The following SLC2A7 variants were observed in gnomAD, a reference collection of about 807,000 sequenced individuals.
The protein encoded by SLC2A7 is solute carrier family 2, facilitated glucose transporter member 7.
SLC2A7 carries 50 observed loss-of-function variants against 50.5 expected under a neutral mutation model. That is an observed-to-expected ratio of 0.99 (90% CI 0.79 to 1.25). The LOEUF (loss-of-function observed/expected upper bound fraction) is 1.25, where lower values mean the gene tolerates loss of function less well. Ranked by LOEUF, SLC2A7 falls within the 50% of genes most tolerant of loss-of-function variation. The pLI is 0.00. For synonymous variants in SLC2A7, 308 were observed against 300.4 expected, an observed-to-expected ratio of 1.03 and a Z score of -0.26; for missense variants, 683 against 679.1, an observed-to-expected ratio of 1.01 and a Z score of -0.06.
intron 3 of SLC2A7, 71 bp downstream of exon 3, chr1:9,022,847 G>A (rs1640931820): frequency 4.5e-6 from 7 of 1,566,624 alleles, no homozygotes; most frequent in African/African-American, 1.4e-5. Flanking sequence ...CCCACCAGGT[G>A]CACAAATGCC....
rs750886871 is a variant in SLC2A7, at chr1:9,026,375, C to G, written c.-30G>C. 1 of 1,583,010 alleles carries G rather than the reference C, an allele frequency of 6.3e-7. No homozygotes were observed. The highest frequency in any genetic ancestry group is 1.3e-5 in the African/African-American group (1 of 74,486). On this transcript the variant is annotated 5_prime_UTR_variant, in exon 1 of 12. Coordinates refer to ENST00000400906, the MANE Select transcript of SLC2A7 (RefSeq NM_207420.3). ...GTTCAGGTGGGAGAACAGGTGTGCT[C>G]TACCTCCCAAGTGACACCTGCTCTG... is the stretch of plus-strand genomic sequence containing the variant.
Position 9,025,822 on chromosome 1 carries a change from C to G in SLC2A7, c.51+473G>C, listed in dbSNP as rs542880997. On this transcript the variant is annotated intron_variant, in intron 1 of 11. Transcript: ENST00000400906. ...CAGGGTCTCTGACCATGTCCTAGAG[C>G]CAAGGCCCTGGTGCATGCCCCCTCC... Among the ~76,000 whole-genome samples the G allele has an allele frequency of 1.3e-3, 192 of 152,284 alleles. 1 individual carries two copies. The highest frequency in any genetic ancestry group is 4.5e-3 in the African/African-American group (189 of 41,554).
Position 9,023,835 on chromosome 1 carries a change from C to CTTTTTTTTTTTTTTTTTTT in SLC2A7, c.151-758_151-757insAAAAAAAAAAAAAAAAAAA, listed in dbSNP as rs1557653846. On this transcript the variant is annotated intron_variant, in intron 2 of 11. Coordinates refer to ENST00000400906, the MANE Select transcript of SLC2A7 (RefSeq NM_207420.3). ...CAGAGGCACCATAGGAAATATTCTT[C>CTTTTTTTTTTTTTTTTTTT]TTCTTTTTTTTTTTTTTTTTTTTTT... 7.6e-5 allele frequency among the ~76,000 whole-genome samples: 5 copies of CTTTTTTTTTTTTTTTTTTT among 65,998 alleles called. 1 individual carries two copies. Among genetic ancestry groups the CTTTTTTTTTTTTTTTTTTT allele is most frequent in the African/African-American group, 1.5e-4 (3 of 20,532 alleles). The allele number at this position is 65,998 out of a possible 152,430, so 43.3% of individuals were successfully genotyped here.
Position 9,018,445 on chromosome 1 carries a change from C to T in SLC2A7, c.437-70G>A, listed in dbSNP as rs1211107625. On this transcript the variant is annotated intron_variant, in intron 4 of 11. Transcript: ENST00000400906. ...CAGAATCTGAGATGCAATTCAATTC[C>T]GTTTCCTAATCCCGGGGCTTCTCCA... is the stretch of plus-strand genomic sequence containing the variant. 16 of 1,583,156 alleles carry T rather than the reference C, an allele frequency of 1.0e-5. No individual in the cohort carries two copies. In the East Asian group the frequency reaches 1.4e-4, roughly 14 times the overall value.
chr1:9,026,355 G>C lies in SLC2A7; in HGVS notation c.-10C>G. 6.2e-7 allele frequency: 1 copy of C among 1,601,524 alleles called. No individual in the cohort carries two copies. The highest frequency in any genetic ancestry group is 8.5e-7 in the Non-Finnish European group (1 of 1,173,408). On this transcript the variant is annotated 5_prime_UTR_variant, in exon 1 of 12. Coordinates refer to ENST00000400906, the MANE Select transcript of SLC2A7 (RefSeq NM_207420.3). ...CCTCTTTGTTCTCCATCCTTGTTCA[G>C]GTGGGAGAACAGGTGTGCTCTACCT...
At position 9,013,590 on chromosome 1, in the gene SLC2A7, C is replaced by A; in HGVS notation, c.949G>T (p.Ala317Ser). Residue 317 changes from alanine to serine, a missense_variant, in exon 8 of 12, where the codon GCC (alanine) becomes TCC (serine). Physicochemically the swap from Ala to Ser is moderately conservative, Grantham distance 99. Coordinates refer to ENST00000400906, the MANE Select transcript of SLC2A7 (RefSeq NM_207420.3). Reference sequence around the variant, plus strand: ...ACCGTTACATATTGGGAGTGAGCGGCCTCCACGCCCGCAGATGTGTAGATG... The same window carrying A: ...ACCGTTACATATTGGGAGTGAGCGGACTCCACGCCCGCAGATGTGTAGATG... ...DTIYTSAGVE[A>S]AHSQYVTVGS... is the part of the protein sequence containing the mutation. The A allele has an allele frequency of 6.2e-7, 1 of 1,614,156 alleles. No homozygotes were observed. Among genetic ancestry groups the A allele is most frequent in the African/African-American group, 1.3e-5 (1 of 75,060 alleles).
At chr1:8,998,516 C>T (rs925998759), downstream of SLC2A7, among the ~76,000 whole-genome samples, 10 of 152,156 alleles carry the variant, frequency 6.6e-5, no homozygotes, top group Admixed American at 2.0e-4. Flanking sequence ...ATACAACAAA[C>T]GGTTTTGATT....
At chr1:9,002,345 C>T (rs1186900037), downstream of SLC2A7, among the ~76,000 whole-genome samples, 1 of 152,118 alleles carries the variant, frequency 6.6e-6, no homozygotes, top group Non-Finnish European at 1.5e-5. Context: ...CGGAATGTCT[C>T]GGTATAAAAC....
At chr1:9,021,330 T>A (rs1640910272) in intron 3 of SLC2A7, among the ~76,000 whole-genome samples, 1 of 152,066 alleles carries the variant, frequency 6.6e-6, no homozygotes, top group Non-Finnish European at 1.5e-5. Context: ...TTTTTATTTC[T>A]TCTCTCTCCA....
Position 9,004,878 on chromosome 1 carries a change from A to C in SLC2A7, c.1194T>G (p.Ser398Arg). ...AYIAGHSIGP[S>R]PVPSVVRTEI... ...CGGTCCTCACCACCGAGGGGACAGG[A>C]CCTGGAGGGCAGAGCAGGATGGGTG... is the stretch of plus-strand genomic sequence containing the variant. The change falls in exon 11 of 12, where the codon AGT becomes AGG. Residue 398 changes from serine (S) to arginine (R), a missense_variant and splice_region_variant. Physicochemically the swap from Ser to Arg is moderately radical, Grantham distance 110. Transcript: ENST00000400906. 6.2e-7 allele frequency: 1 copy of C among 1,613,448 alleles called. No individual in the cohort carries two copies. Among genetic ancestry groups the C allele is most frequent in the South Asian group, 1.1e-5 (1 of 91,030 alleles).
intron 6 of SLC2A7, 39 bp from the exon 7 acceptor site, chr1:9,014,907 C>T: frequency 6.5e-7 from 1 of 1,542,876 alleles, no homozygotes; most frequent in Middle Eastern, 2.3e-4. Context: ...GGGCCGTCTC[C>T]CTGCAGGCTG....
chr1:9,016,985 TAGC>T (rs1640840120), intron 5 of SLC2A7, among the ~76,000 whole-genome samples: 1 of 152,050 alleles, frequency 6.6e-6, no homozygotes, highest in African/African-American at 2.4e-5. Flanking sequence ...CCCTAGAAAC[TAGC>T]ATCCCTAGTC....
rs1449112402 is a variant in SLC2A7 at position 9,014,728 on chromosome 1, A to C, written c.856T>G (p.Ser286Ala). 1 of 1,571,810 alleles carries C rather than the reference A, an allele frequency of 6.4e-7. No individual in the cohort carries two copies. Among genetic ancestry groups the C allele is most frequent in the East Asian group, 2.4e-5 (1 of 42,472 alleles). ...TGGCCGGCCATGAGCACGATGATGG[A>C]GAGGAGCTGCCAGCGCAGGGACCGC... ...ALRSLRWQLLSIIVLMAGQQL... is the reference protein window; with the variant it reads ...ALRSLRWQLLAIIVLMAGQQL... Residue 286 changes from serine (S) to alanine (A), a missense_variant, in exon 7 of 12, where the codon TCC (serine) becomes GCC (alanine). Transcript: ENST00000400906.
At chr1:9,000,993 C>G (rs1461190654), downstream of SLC2A7, among the ~76,000 whole-genome samples, 2 of 152,148 alleles carry the variant, frequency 1.3e-5, no homozygotes, top group Non-Finnish European at 2.9e-5. Context: ...CGAGTCCTAT[C>G]TGAATTCCTG....
intron 3 of SLC2A7, 85 bp downstream of exon 3, chr1:9,022,833 T>C (rs1469153110): frequency 1.3e-6 from 2 of 1,536,182 alleles, no homozygotes; most frequent in Non-Finnish European, 8.8e-7. Context: ...GGGTCACACG[T>C]CTCCCCACCA....
intron 7 of SLC2A7, among the ~76,000 whole-genome samples, chr1:9,014,292 C>T (rs1377222284): frequency 6.6e-6 from 1 of 152,210 alleles, no homozygotes; most frequent in East Asian, 1.9e-4. Flanking sequence ...TCGCAGAAAG[C>T]GATGCCACAA....
At position 9,022,967 on chromosome 1, in the gene SLC2A7, C is replaced by T. The variant is rs780152626; in HGVS notation, c.262G>A (p.Gly88Ser). The T allele has an allele frequency of 8.1e-6, 13 of 1,614,114 alleles. No individual in the cohort carries two copies. Among genetic ancestry groups the T allele is most frequent in the South Asian group, 5.5e-5 (5 of 91,078 alleles). ...CCCACGAGCAATGACCCCAACAGGC[C>T]GCCCAGAGGAAACATGGAGACGGTG... ...SCTVSMFPLG[G>S]LLGSLLVGLL... The change falls in exon 3 of 12, where the codon GGC (glycine) becomes AGC (serine). Residue 88 changes from glycine to serine, a missense_variant. Gly to Ser is a moderately conservative substitution (Grantham distance 56). Transcript: ENST00000400906.
chr1:9,002,622 A>G (rs916730000), downstream of SLC2A7, among the ~76,000 whole-genome samples: 4 of 152,194 alleles, frequency 2.6e-5, no homozygotes, highest in Non-Finnish European at 5.9e-5. Flanking sequence ...CAGTAGAGAT[A>G]GTGATCAATA....
Position 9,026,381 on chromosome 1 carries a change from C to T in SLC2A7, c.-36G>A, listed in dbSNP as rs756572436. 4 of 1,573,500 alleles carry T rather than the reference C, an allele frequency of 2.5e-6. No individual in the cohort carries two copies. The African/African-American group carries it at 4.0e-5, about 16-fold the overall frequency. On this transcript the variant is annotated 5_prime_UTR_variant, in exon 1 of 12. Coordinates refer to ENST00000400906, the MANE Select transcript of SLC2A7 (RefSeq NM_207420.3). ...GTGGGAGAACAGGTGTGCTCTACCT[C>T]CCAAGTGACACCTGCTCTGCGCCAG... is the stretch of plus-strand genomic sequence containing the variant.
Sources: gnomAD v4.1 joint callset for allele counts (sites outside exome capture counted in the v4.1 genomes callset) on GRCh38, gnomAD v4.1.1 for gene constraint, MANE v1.5 for transcripts, NCBI Gene and HGNC (gene_info 2026-07-23, HGNC 2026-07-21) for gene names.